Variants in ABCB7 observed in about 807,000 individuals in gnomAD.
ABCB7 encodes iron-sulfur clusters transporter ABCB7, mitochondrial.
In ABCB7, 7 loss-of-function variants were observed where a neutral mutation model predicts 54.4. The observed-to-expected ratio is 0.13, with a 90% CI of 0.07 to 0.24. The LOEUF is 0.24. Ranked by LOEUF, ABCB7 falls within the 10% of genes least tolerant of loss-of-function variation. The pLI is 1.00. For missense variants in ABCB7, 356 were observed against 570.4 expected (o/e 0.62, Z 3.83); for synonymous variants, 218 against 207.1 (o/e 1.05, Z -0.45).
intron 1 of ABCB7, among the ~76,000 whole-genome samples, chrX:75,137,870 T>C: frequency 9.0e-6 from 1 of 111,473 alleles, no homozygotes; most frequent in East Asian, 2.8e-4. Context: ...AGAGCCTATT[T>C]GAGGGTAGAC....
chrX:75,111,048 C>A (rs1210841394), intron 3 of ABCB7, among the ~76,000 whole-genome samples: 2 of 47,675 alleles, frequency 4.2e-5, no homozygotes, highest in Non-Finnish European at 1.2e-4. Flanking sequence ...CGCTTGGGCC[C>A]AGGAGTTCGA....
At chrX:75,149,355 G>C (rs2082115592) in intron 1 of ABCB7, among the ~76,000 whole-genome samples, 1 of 112,009 alleles carries the variant, frequency 8.9e-6, no homozygotes, top group Admixed American at 9.5e-5. Context: ...AGGATAAAAA[G>C]TAAGTGTGCT....
In ABCB7 at chrX:75,070,525, T is replaced by G. The variant is rs764550363; in HGVS notation, c.1208-3A>C. The G allele has an allele frequency of 5.7e-5, 69 of 1,205,356 alleles. No homozygotes were observed. Among genetic ancestry groups the G allele is most frequent in the Non-Finnish European group, 7.6e-5 (68 of 891,919 alleles). The stretch of plus-strand genomic sequence containing the variant: ...TAGATCTCCAACAGTAAGGGTACCT[T>G]AAAAGGCAGAAGAAAAAAAGGGTAT... On this transcript the variant is annotated splice_region_variant and splice_polypyrimidine_tract_variant and intron_variant, in intron 9 of 15. Coordinates refer to ENST00000373394, the MANE Select transcript of ABCB7 (RefSeq NM_001271696.3).
chrX:75,069,027 C>A lies in ABCB7; in HGVS notation c.1639G>T (p.Ala547Ser). The change falls in exon 12 of 16, where the codon GCA (alanine) becomes TCA (serine). Residue 547 changes from alanine to serine, a missense_variant. Transcript: ENST00000373394. ...QDVSLESLRRAVGVVPQDAVL... is the reference protein window; with the variant it reads ...QDVSLESLRRSVGVVPQDAVL... ...AATACCTGAGGTACCACTCCCACTG[C>A]CCTCCGAAGGCTTTCCAGGCTCACA... 8.3e-7 allele frequency: 1 copy of A among 1,210,885 alleles called. No homozygotes were observed. The highest frequency in any genetic ancestry group is 1.1e-6 in the Non-Finnish European group (1 of 894,900).
At chrX:75,067,388 C>G (rs749482359) in intron 12 of ABCB7, among the ~76,000 whole-genome samples, 87 of 112,268 alleles carry the variant, frequency 7.7e-4, no homozygotes, top group Admixed American at 1.8e-3. Flanking sequence ...TGGCAGGAAT[C>G]TATTTACATG....
chrX:75,126,302 C>A (rs1213106558), intron 1 of ABCB7, among the ~76,000 whole-genome samples: 6 of 111,906 alleles, frequency 5.4e-5, no homozygotes, highest in Non-Finnish European at 1.1e-4. Context: ...CTAAAACTGA[C>A]AGATGCAGGC....
intron 4 of ABCB7, among the ~76,000 whole-genome samples, chrX:75,077,736 T>C (rs1439837815): frequency 1.8e-5 from 2 of 111,403 alleles, no homozygotes; most frequent in Non-Finnish European, 3.8e-5. Flanking sequence ...GACAATATCA[T>C]TAAAATACAC....
intron 4 of ABCB7, among the ~76,000 whole-genome samples, chrX:75,081,566 T>C (rs2081455822): frequency 8.9e-6 from 1 of 112,290 alleles, no homozygotes; most frequent in South Asian, 3.7e-4. Context: ...TCTGCAATTA[T>C]AGTATGAAAA....
chrX:75,099,298 T>C (rs777496948), intron 3 of ABCB7, among the ~76,000 whole-genome samples: 1 of 111,863 alleles, frequency 8.9e-6, no homozygotes, highest in African/African-American at 3.2e-5. Context: ...TTTTAGCCAC[T>C]CTCATATTGT....
intron 4 of ABCB7, 53 bp from the exon 5 acceptor site, chrX:75,076,707 A>G: frequency 8.9e-7 from 1 of 1,121,627 alleles, no homozygotes; most frequent in Non-Finnish European, 1.2e-6. Context: ...CTTATTTATA[A>G]AAGTACAAAT....
At position 75,063,980 on chromosome X, in the gene ABCB7, G is replaced by A. The variant is rs187592534; in HGVS notation, c.1831+1090C>T. 3.6e-3 allele frequency among the ~76,000 whole-genome samples: 399 copies of A among 111,187 alleles called. 2 individuals are homozygous for A. The highest frequency in any genetic ancestry group is 0.012 in the African/African-American group (361 of 30,656). ...CATATTACGTGATAAATTAGGGATC[G>A]CCAGAATTAGCCAAACGGACACATA... On this transcript the variant is annotated intron_variant, in intron 13 of 15. Coordinates refer to ENST00000373394, the MANE Select transcript of ABCB7 (RefSeq NM_001271696.3).
chrX:75,054,892 G>A (rs945544697), intron 15 of ABCB7, among the ~76,000 whole-genome samples: 1 of 110,294 alleles, frequency 9.1e-6, no homozygotes, highest in Non-Finnish European at 1.9e-5. Context: ...ACACTTTTTT[G>A]GTATTACTTT....
rs1306856045 is a variant in ABCB7 at position 75,051,406 on chromosome X, C to A, written c.*1964G>T. ...ATGAAAAATTTCTTAAAACTATAAA[C>A]CAATAAAATATTAGGACCTTTTCTG... On this transcript the variant is annotated 3_prime_UTR_variant, in exon 16 of 16. Coordinates refer to ENST00000373394, the MANE Select transcript of ABCB7 (RefSeq NM_001271696.3). The A allele has an allele frequency of 3.6e-5, 4 of 111,501 alleles. No individual in the cohort carries two copies. Among genetic ancestry groups the A allele is most frequent in the Admixed American group, 2.8e-4 (3 of 10,527 alleles). 9.2% of individuals were successfully genotyped at this position (111,501 alleles called of 1,213,427 possible).
chrX:75,095,807 G>A (rs2081585962), intron 4 of ABCB7, among the ~76,000 whole-genome samples: 1 of 111,908 alleles, frequency 8.9e-6, no homozygotes, highest in African/African-American at 3.2e-5. Context: ...CTCAGTAGTT[G>A]TTGATTAAAG....
intron 1 of ABCB7, among the ~76,000 whole-genome samples, chrX:75,127,569 G>T (rs2081943024): frequency 9.0e-6 from 1 of 111,534 alleles, no homozygotes; most frequent in Admixed American, 9.6e-5. Flanking sequence ...GGGCAATCAG[G>T]CAAGAGAAAG....
At chrX:75,117,783 G>T (rs770298897) in intron 1 of ABCB7, among the ~76,000 whole-genome samples, 7 of 111,745 alleles carry the variant, frequency 6.3e-5, no homozygotes, top group Non-Finnish European at 1.3e-4. Flanking sequence ...AAATCCCTTT[G>T]CTACTGGCAA....
Position 75,076,511 on chromosome X carries a change from A to C in ABCB7, c.586+11T>G. 1 of 1,210,557 alleles carries C rather than the reference A, an allele frequency of 8.3e-7. No homozygotes were observed. The highest frequency in any genetic ancestry group is 1.1e-6 in the Non-Finnish European group (1 of 894,552). On this transcript the variant is annotated intron_variant, in intron 5 of 15. Transcript: ENST00000373394. Reference sequence around the variant, plus strand: ...TCAACACCTGTAGACAGATTAAAGAATCACACATACAGCCAATCAGAACTG... The same window carrying C: ...TCAACACCTGTAGACAGATTAAAGACTCACACATACAGCCAATCAGAACTG...
At chrX:75,131,616 G>A (rs1380827044) in intron 1 of ABCB7, among the ~76,000 whole-genome samples, 3 of 111,448 alleles carry the variant, frequency 2.7e-5, no homozygotes, top group East Asian at 2.8e-4. Context: ...CACACAGACC[G>A]CCATTTTTGC....
chrX:75,053,130 T>C lies in ABCB7; in HGVS notation c.*240A>G, dbSNP rs373985610. 48 of 414,328 alleles carry C rather than the reference T, an allele frequency of 1.2e-4. No homozygotes were observed. The East Asian group carries it at 1.6e-3, about 14-fold the overall frequency. 34.1% of individuals were successfully genotyped at this position (414,328 alleles called of 1,213,427 possible). ...GGGTAATGTGGTAATATCAAACAGG[T>C]AGCAAAAAGTATGCATTGAGCACAA... On this transcript the variant is annotated 3_prime_UTR_variant, in exon 16 of 16. Transcript: ENST00000373394.
Sources: allele counts gnomAD v4.1 joint callset (sites outside exome capture counted in the v4.1 genomes callset), GRCh38; gene constraint gnomAD v4.1.1; transcripts MANE v1.5; gene names NCBI Gene and HGNC (gene_info 2026-07-23, HGNC 2026-07-21).